The following CFAP77 variants were observed in gnomAD, a reference collection of about 807,000 sequenced individuals.
CFAP77 encodes cilia- and flagella-associated protein 77.
CFAP77 carries 25 observed loss-of-function variants against 31.1 expected under a neutral mutation model. The ratio of observed to expected loss-of-function variants is 0.80; its 90% CI spans 0.59 to 1.12. CFAP77 has a LOEUF of 1.12. Ranked by LOEUF, CFAP77 falls within the 50% of genes most tolerant of loss-of-function variation. The pLI, the probability that CFAP77 is intolerant of heterozygous loss-of-function variation, is 0.00. For synonymous variants in CFAP77, 151 were observed against 159.9 expected (o/e 0.94, Z 0.42); for missense variants, 377 against 397.3 (o/e 0.95, Z 0.44).
chr9:132,448,972 G>A (rs1271923126), intron 1 of CFAP77, among the ~76,000 whole-genome samples: 1 of 152,146 alleles, frequency 6.6e-6, no homozygotes, highest in Non-Finnish European at 1.5e-5. Context: ...TGGGAGATAG[G>A]CACCTATGAC....
chr9:132,464,377 C>T (rs761305780), intron 1 of CFAP77, among the ~76,000 whole-genome samples: 2 of 151,854 alleles, frequency 1.3e-5, no homozygotes, highest in African/African-American at 2.4e-5. Context: ...AAAAACCGGA[C>T]GAGGCAGAAC....
chr9:132,458,067 A>G lies in CFAP77; in HGVS notation c.196-40628A>G, dbSNP rs144173008. On this transcript the variant is annotated intron_variant, in intron 1 of 5. Transcript: ENST00000393216. ...TATGATCCTATTTTCTCTGCAGCTCAGAGCAGTAGAGAAGCGTGGGGCTTG... is the reference window on the plus strand; with the variant it reads ...TATGATCCTATTTTCTCTGCAGCTCGGAGCAGTAGAGAAGCGTGGGGCTTG... Among the ~76,000 whole-genome samples the G allele has an allele frequency of 2.4e-3, 362 of 152,322 alleles. 1 individual carries two copies. Among genetic ancestry groups the G allele is most frequent in the African/African-American group, 8.1e-3 (337 of 41,576 alleles).
intron 1 of CFAP77, among the ~76,000 whole-genome samples, chr9:132,420,489 C>T (rs985895366): frequency 6.7e-5 from 10 of 148,678 alleles, no homozygotes; most frequent in Non-Finnish European, 1.3e-4. Flanking sequence ...CCTATCTCTA[C>T]TAAAAATACA....
At chr9:132,571,036 A>G (rs1481533383) in intron 5 of CFAP77, among the ~76,000 whole-genome samples, 1 of 151,288 alleles carries the variant, frequency 6.6e-6, no homozygotes, top group Admixed American at 6.6e-5. Flanking sequence ...CCCTTTTAAT[A>G]TTTCATCCTC....
chr9:132,488,653 G>A (rs941006380), intron 1 of CFAP77, among the ~76,000 whole-genome samples: 45 of 152,218 alleles, frequency 3.0e-4, no homozygotes, highest in Non-Finnish European at 4.7e-4. Context: ...CAGCCTGTGG[G>A]AAATGCTACC....
At chr9:132,510,685 C>T (rs551948171) in intron 3 of CFAP77, among the ~76,000 whole-genome samples, 43 of 152,226 alleles carry the variant, frequency 2.8e-4, no homozygotes, top group African/African-American at 1.0e-3. Flanking sequence ...CAGATCATCT[C>T]ATCGTGTGGA....
At chr9:132,559,236 T>C (rs1852954074) in intron 5 of CFAP77, among the ~76,000 whole-genome samples, 1 of 149,646 alleles carries the variant, frequency 6.7e-6, no homozygotes, top group Non-Finnish European at 1.5e-5. Context: ...TCCCAGCTAC[T>C]CGGGAGGCCG....
chr9:132,559,577 G>A (rs1334229901), intron 5 of CFAP77, among the ~76,000 whole-genome samples: 2 of 152,050 alleles, frequency 1.3e-5, no homozygotes, highest in African/African-American at 2.4e-5. Flanking sequence ...CATACGTGCT[G>A]GTGGGAATCA....
rs565686120 is a variant in CFAP77, at chr9:132,482,048, A to G, written c.196-16647A>G. On this transcript the variant is annotated intron_variant, in intron 1 of 5. Transcript: ENST00000393216. ...ATGAATCTATAAAGAAAATGAAAAC[A>G]TAAATAGAGTAACCAAACAGAATGA... 2.6e-5 allele frequency among the ~76,000 whole-genome samples: 4 copies of G among 151,946 alleles called. No homozygotes were observed. The East Asian group carries it at 5.9e-4, about 22-fold the overall frequency.
intron 3 of CFAP77, among the ~76,000 whole-genome samples, chr9:132,500,504 A>C (rs1363836795): frequency 6.6e-6 from 1 of 152,110 alleles, no homozygotes; most frequent in Non-Finnish European, 1.5e-5. Flanking sequence ...GAGCTATGAA[A>C]TTTTTAAAAT....
At chr9:132,543,527 G>A (rs1245792271) in intron 5 of CFAP77, among the ~76,000 whole-genome samples, 1 of 152,192 alleles carries the variant, frequency 6.6e-6, no homozygotes, top group Non-Finnish European at 1.5e-5. Flanking sequence ...ACCAGGGGAG[G>A]AGGCTGTCTC....
intron 1 of CFAP77, among the ~76,000 whole-genome samples, chr9:132,423,600 C>A (rs1377512101): frequency 2.0e-5 from 3 of 152,216 alleles, no homozygotes; most frequent in Non-Finnish European, 4.4e-5. Flanking sequence ...AGGCTTCCAA[C>A]CAGGTCTGTC....
chr9:132,417,392 C>T (rs941645947), intron 1 of CFAP77, among the ~76,000 whole-genome samples: 11 of 152,178 alleles, frequency 7.2e-5, no homozygotes, highest in Non-Finnish European at 1.3e-4. Flanking sequence ...GGATTACAGG[C>T]GTGAGCCACC....
At chr9:132,504,309 G>C (rs1455038399) in intron 3 of CFAP77, among the ~76,000 whole-genome samples, 3 of 152,170 alleles carry the variant, frequency 2.0e-5, no homozygotes, top group Non-Finnish European at 4.4e-5. Context: ...GTTTTCCACG[G>C]CATCACTGAA....
In CFAP77 at chr9:132,511,633, G is replaced by A. The variant is rs1023356271; in HGVS notation, c.524+12033G>A. Among the ~76,000 whole-genome samples the A allele has an allele frequency of 6.6e-6, 1 of 152,154 alleles. No individual in the cohort carries two copies. Among genetic ancestry groups the A allele is most frequent in the Admixed American group, 6.5e-5 (1 of 15,272 alleles). Reference sequence around the variant, plus strand: ...TTCTAGTGCCAAGAGCACATGAGACGGCCAACTCTTTCCCGGGCACGACTC... The same window carrying A: ...TTCTAGTGCCAAGAGCACATGAGACAGCCAACTCTTTCCCGGGCACGACTC... On this transcript the variant is annotated intron_variant, in intron 3 of 5. Coordinates refer to ENST00000393216, the MANE Select transcript of CFAP77 (RefSeq NM_001282957.2). This position sits in a 1 kb window ranked among gnomAD's most constrained non-coding sequence, Gnocchi z 5.8.
At position 132,498,713 on chromosome 9, in the gene CFAP77, C is replaced by G. The variant is rs775494178; in HGVS notation, c.214C>G (p.Arg72Gly). 6.2e-7 allele frequency: 1 copy of G among 1,611,886 alleles called. No homozygotes were observed. Among genetic ancestry groups the G allele is most frequent in the Non-Finnish European group, 8.5e-7 (1 of 1,178,906 alleles). Reference sequence around the variant, plus strand: ...CCGACAGGCTGAACTCGGCAAGCCCCGGGAAAGAAGCTACAGTCTGCCCGG... The same window carrying G: ...CCGACAGGCTGAACTCGGCAAGCCCGGGGAAAGAAGCTACAGTCTGCCCGG... ...LIVKAELGKPRERSYSLPGIN... is the reference protein window; with the variant it reads ...LIVKAELGKPGERSYSLPGIN... Residue 72 changes from arginine (R) to glycine (G), a missense_variant, in exon 2 of 6, where the codon CGG becomes GGG. By Grantham distance (125) the Arg-to-Gly change is moderately radical. Coordinates refer to ENST00000393216, the MANE Select transcript of CFAP77 (RefSeq NM_001282957.2). This position sits in a 1 kb window ranked among gnomAD's most constrained non-coding sequence, Gnocchi z 4.2.
chr9:132,445,674 C>T (rs1414711083), intron 1 of CFAP77, among the ~76,000 whole-genome samples: 1 of 151,878 alleles, frequency 6.6e-6, no homozygotes, highest in African/African-American at 2.4e-5. Flanking sequence ...TCAAGACCAG[C>T]CTGGTCAACA....
At chr9:132,553,941 G>A (rs183504859) in intron 5 of CFAP77, among the ~76,000 whole-genome samples, 7 of 152,322 alleles carry the variant, frequency 4.6e-5, no homozygotes, top group Non-Finnish European at 5.9e-5. Flanking sequence ...AAGCTTAGTC[G>A]GATTCGTGTA....
intron 5 of CFAP77, among the ~76,000 whole-genome samples, chr9:132,553,872 G>C (rs1376627159): frequency 1.3e-5 from 2 of 152,216 alleles, no homozygotes; most frequent in Non-Finnish European, 2.9e-5. Context: ...AACGCCACTT[G>C]AATCACTTAA....
Sources: gnomAD v4.1 joint callset for allele counts (sites outside exome capture counted in the v4.1 genomes callset) on GRCh38, gnomAD v4.1.1 for gene constraint, Gnocchi (gnomAD v3.1) non-coding constraint, MANE v1.5 for transcripts, NCBI Gene and HGNC (gene_info 2026-07-23, HGNC 2026-07-21) for gene names.